The following GLB1 variants were observed in gnomAD, a reference collection of about 807,000 sequenced individuals.
GLB1 encodes the protein galactosidase beta 1, also known as beta-galactosidase.
A neutral mutation model predicts 74.0 loss-of-function variants in GLB1; 56 were observed. The ratio of observed to expected loss-of-function variants is 0.76; its 90% CI spans 0.61 to 0.94. GLB1 has a LOEUF of 0.94. Ranked by LOEUF, GLB1 falls within the 40% of genes least tolerant of loss-of-function variation. The pLI, the probability that GLB1 is intolerant of heterozygous loss-of-function variation, is 0.00. For missense variants in GLB1, 787 were observed against 845.5 expected, an observed-to-expected ratio of 0.93 and a Z score of 0.86; for synonymous variants, 323 against 323.6, an observed-to-expected ratio of 1.00 and a Z score of 0.02.
chr3:33,028,063 G>C (rs1697844728), intron 10 of GLB1, among the ~76,000 whole-genome samples: 1 of 151,972 alleles, frequency 6.6e-6, no homozygotes, highest in Non-Finnish European at 1.5e-5. Context: ...ACCATGACCT[G>C]CTAATTTTTA....
chr3:33,079,603 T>C (rs4428129), intron 1 of GLB1, among the ~76,000 whole-genome samples: 73,169 of 152,078 alleles, frequency 0.48, 20,886 homozygotes, highest in Non-Finnish European at 0.62. Flanking sequence ...TAAAATGAAT[T>C]ATGGTTTATA....
rs1559412898 is a variant in GLB1 at position 33,074,377 on chromosome 3, G to GAAAGAAAGAAAGA, written c.76-1665_76-1664insTCTTTCTTTCTTT. ...GGAAGGAAGGAAGGAAGGAAGGAAGGAAGGAAGGAAGGAAGAAAGAAAGAA... is the reference window on the plus strand; with the variant it reads ...GGAAGGAAGGAAGGAAGGAAGGAAGGAAAGAAAGAAAGAAAGGAAGGAAGGAAGAAAGAAAGAA... On this transcript the variant is annotated intron_variant, in intron 1 of 15. Coordinates refer to ENST00000307363, the MANE Select transcript of GLB1 (RefSeq NM_000404.4). 3.7e-3 allele frequency among the ~76,000 whole-genome samples: 30 copies of GAAAGAAAGAAAGA among 8,184 alleles called. 1 individual carries two copies. Among genetic ancestry groups the GAAAGAAAGAAAGA allele is most frequent in the East Asian group, 0.2 (2 of 10 alleles). 5.4% of individuals were successfully genotyped at this position (8,184 alleles called of 152,430 possible).
intron 1 of GLB1, among the ~76,000 whole-genome samples, chr3:33,080,571 G>A (rs1210691471): frequency 2.6e-5 from 4 of 152,208 alleles, no homozygotes; most frequent in African/African-American, 9.6e-5. Flanking sequence ...GCCCCTGAGG[G>A]CAACCTTCAG....
intron 4 of GLB1, among the ~76,000 whole-genome samples, chr3:33,067,348 G>T (rs986692569): frequency 6.6e-5 from 10 of 151,862 alleles, no homozygotes; most frequent in African/African-American, 2.4e-4. Context: ...GCCCAGGATG[G>T]AGTGCAGTGG....
chr3:33,060,518 G>A (rs1484827199), intron 5 of GLB1, among the ~76,000 whole-genome samples: 1 of 152,130 alleles, frequency 6.6e-6, no homozygotes, highest in Non-Finnish European at 1.5e-5. Flanking sequence ...TTAAAAGTTA[G>A]CTCCAGCAAC....
At chr3:32,997,381 T>C (rs376947340) in intron 15 of GLB1, 37 bp from the exon 16 acceptor site, 66 of 1,610,688 alleles carry the variant, frequency 4.1e-5, no homozygotes, top group African/African-American at 2.7e-5. Context: ...CAACCCCAGA[T>C]GCACCGAAAG....
At chr3:33,091,007 G>C in intron 1 of GLB1, 2 of 985,378 alleles carry the variant, frequency 2.0e-6, no homozygotes, top group Non-Finnish European at 2.4e-6. Flanking sequence ...CAAGAAACCA[G>C]TGAAATAACA....
At chr3:33,020,671 G>A (rs747557466) in intron 12 of GLB1, among the ~76,000 whole-genome samples, 3 of 152,180 alleles carry the variant, frequency 2.0e-5, no homozygotes, top group Non-Finnish European at 2.9e-5. Flanking sequence ...TTGGAAACTG[G>A]ATTGAGAAAA....
intron 1 of GLB1, among the ~76,000 whole-genome samples, chr3:33,074,766 G>T (rs1235576951): frequency 6.6e-6 from 1 of 152,184 alleles, no homozygotes; most frequent in South Asian, 2.1e-4. Context: ...GGCTTTCAAA[G>T]GTCACAATAC....
chr3:33,014,071 A>G lies in GLB1; in HGVS notation c.1719T>C (p.Phe573=), dbSNP rs1045590381. Residue 573 remains phenylalanine, a synonymous_variant, in exon 15 of 16, where the codon TTT becomes TTC. Transcript: ENST00000307363. ...PDLPQDTFIQ[F]PGWTKGQVWI... ...AGACACGTACCTTGGTCCATCCAGG[A>G]AACTGGATAAAGGTGTCCTGGGGCA... 6.2e-7 allele frequency: 1 copy of G among 1,614,086 alleles called. No homozygotes were observed. The highest frequency in any genetic ancestry group is 1.3e-5 in the African/African-American group (1 of 74,930).
chr3:32,983,148 C>T, the GLB1 span, among the ~76,000 whole-genome samples: 1 of 152,190 alleles, frequency 6.6e-6, no homozygotes, highest in African/African-American at 2.4e-5. Flanking sequence ...GTCTTAAACA[C>T]TGATTCTAGA....
chr3:33,064,453 C>A (rs6782297), intron 5 of GLB1, among the ~76,000 whole-genome samples: 132,076 of 136,224 alleles, frequency 0.97, 64,117 homozygotes, highest in Middle Eastern at 1. Context: ...AAAAAAAAAA[C>A]AAAAAACCTT....
intron 15 of GLB1, among the ~76,000 whole-genome samples, chr3:33,012,840 G>A (rs1697085404): frequency 6.6e-6 from 1 of 151,868 alleles, no homozygotes; most frequent in African/African-American, 2.4e-5. Context: ...ATCCAACTTT[G>A]AACATCTCTC....
At chr3:33,086,448 A>C (rs1207883234) in intron 1 of GLB1, among the ~76,000 whole-genome samples, 4 of 152,232 alleles carry the variant, frequency 2.6e-5, no homozygotes, top group Non-Finnish European at 5.9e-5. Context: ...CTATTCTGCA[A>C]TCTTTAGTGA....
chr3:32,999,900 C>T (rs949018448), intron 15 of GLB1, among the ~76,000 whole-genome samples: 3 of 149,938 alleles, frequency 2.0e-5, no homozygotes, highest in Non-Finnish European at 4.4e-5. Flanking sequence ...ATCCGCCCAC[C>T]TCGGCCTCCC....
the GLB1 span, among the ~76,000 whole-genome samples, chr3:32,966,292 A>G: frequency 3.6e-3 from 549 of 152,314 alleles, 2 homozygotes; most frequent in Non-Finnish European, 6.6e-3. Context: ...CATCTCTTGC[A>G]TCACCATGAC....
chr3:33,064,518 T>G (rs1383276541), intron 5 of GLB1, among the ~76,000 whole-genome samples: 1 of 150,442 alleles, frequency 6.6e-6, no homozygotes, highest in East Asian at 2.0e-4. Flanking sequence ...GGCTCACGCC[T>G]GTAATCCCAG....
chr3:33,014,318 G>C lies in GLB1; in HGVS notation c.1480-8C>G, dbSNP rs753129246. On this transcript the variant is annotated splice_region_variant and splice_polypyrimidine_tract_variant and intron_variant, in intron 14 of 15. Transcript: ENST00000307363. ...CAGGTTAGAAACCAAACCCTGCAAA[G>C]CAGAAACAGAGCACAGTGAGCTGGG... 159 of 1,613,406 alleles carry C rather than the reference G, an allele frequency of 9.9e-5. No homozygotes were observed. Among genetic ancestry groups the C allele is most frequent in the Middle Eastern group, 3.3e-4 (2 of 6,036 alleles).
At chr3:33,096,509 G>A (rs1701034638) in intron 1 of GLB1, 1 of 985,162 alleles carries the variant, frequency 1.0e-6, no homozygotes, top group African/African-American at 1.7e-5. Context: ...GGAACAAGAT[G>A]CACGAAGAGG....
Sources: gnomAD v4.1 joint callset for allele counts (sites outside exome capture counted in the v4.1 genomes callset) on GRCh38, gnomAD v4.1.1 for gene constraint, MANE v1.5 for transcripts, NCBI Gene and HGNC (gene_info 2026-07-23, HGNC 2026-07-21) for gene names.